The following DLC1 variants were observed in gnomAD, a reference collection of about 807,000 sequenced individuals.
The protein encoded by DLC1 is DLC1 Rho GTPase activating protein.
DLC1 carries 54 observed loss-of-function variants against 140.3 expected under a neutral mutation model. The observed-to-expected ratio is 0.38, with a 90% confidence interval of 0.31 to 0.48. The LOEUF (loss-of-function observed/expected upper bound fraction) is 0.48, where lower values mean the gene tolerates loss of function less well. DLC1 is among the 20% of genes least tolerant of loss of function. DLC1 has a pLI of 0.96. For missense variants in DLC1, 2,536 were observed against 1,907.0 expected, an observed-to-expected ratio of 1.33 and a Z score of -6.14; for synonymous variants, 986 against 728.1, an observed-to-expected ratio of 1.35 and a Z score of -5.70.
At chr8:13,331,990 C>T (rs1258993212) in intron 4 of DLC1, among the ~76,000 whole-genome samples, 1 of 152,140 alleles carries the variant, frequency 6.6e-6, no homozygotes, top group Non-Finnish European at 1.5e-5. Flanking sequence ...AGACTCAAAC[C>T]ATGTTAGGTT....
intron 5 of DLC1, among the ~76,000 whole-genome samples, chr8:13,300,812 G>A (rs73663531): frequency 0.015 from 2,341 of 152,332 alleles, 60 homozygotes; most frequent in African/African-American, 0.053. Flanking sequence ...CACAGGAACT[G>A]ACATGATCAG....
intron 4 of DLC1, among the ~76,000 whole-genome samples, chr8:13,335,753 C>T (rs994353256): frequency 1.4e-4 from 22 of 152,132 alleles, no homozygotes; most frequent in Middle Eastern, 3.4e-3. Context: ...ATCTATTGTT[C>T]CATAGAATCA....
chr8:13,589,999 C>T (rs6986184), intron 1 of DLC1, among the ~76,000 whole-genome samples: 77,056 of 150,314 alleles, frequency 0.51, 20,604 homozygotes, highest in African/African-American at 0.66. Context: ...ATTTCAACAG[C>T]GAACATGCAT....
At chr8:13,428,236 C>G (rs577802366) in intron 2 of DLC1, among the ~76,000 whole-genome samples, 1 of 152,060 alleles carries the variant, frequency 6.6e-6, no homozygotes, top group Non-Finnish European at 1.5e-5. Context: ...TGGCAAGAGA[C>G]GCTGTGTGCC....
At chr8:13,411,899 A>G (rs17092948) in intron 2 of DLC1, among the ~76,000 whole-genome samples, 24,229 of 152,104 alleles carry the variant, frequency 0.16, 2,061 homozygotes, top group Admixed American at 0.21. Context: ...GAGACCATAT[A>G]ATTTCATCCA....
intron 5 of DLC1, among the ~76,000 whole-genome samples, chr8:13,242,393 GT>G (rs201680944): frequency 0.19 from 27,163 of 146,010 alleles, 2,666 homozygotes; most frequent in African/African-American, 0.27. Context: ...CTCCCCATCA[GT>G]TTTTTTTTTT....
At chr8:13,286,536 A>G (rs964800420) in intron 5 of DLC1, among the ~76,000 whole-genome samples, 2 of 152,160 alleles carry the variant, frequency 1.3e-5, no homozygotes, top group Admixed American at 6.5e-5. Flanking sequence ...CTATTGTATC[A>G]CATTATTATA....
chr8:13,280,795 T>A lies in DLC1; in HGVS notation c.1348+24474A>T, dbSNP rs1831339446. On this transcript the variant is annotated intron_variant, in intron 5 of 17. Coordinates refer to ENST00000276297, the MANE Select transcript of DLC1 (RefSeq NM_182643.3). ...GTGCTGGAAGATCCTTTCAAAAGAA[T>A]GTGAATAATGATGGGAAATGAAAAG... 2.0e-5 allele frequency among the ~76,000 whole-genome samples: 3 copies of A among 152,156 alleles called. No homozygotes were observed. In the South Asian group the frequency reaches 6.2e-4, roughly 32 times the overall value.
At chr8:13,524,077 C>T (rs1028986479) in intron 1 of DLC1, among the ~76,000 whole-genome samples, 1 of 150,264 alleles carries the variant, frequency 6.7e-6, no homozygotes, top group Non-Finnish European at 1.5e-5. Context: ...CTAATCTCAG[C>T]TAGCCACCAT....
At chr8:13,361,682 G>A (rs553525862) in intron 4 of DLC1, among the ~76,000 whole-genome samples, 2 of 152,230 alleles carry the variant, frequency 1.3e-5, no homozygotes, top group African/African-American at 4.8e-5. Context: ...TCAAAGATAG[G>A]TCTGGACAAG....
Position 13,525,116 on chromosome 8 carries a change from T to C in DLC1, c.-125-24920A>G, listed in dbSNP as rs1478842259. 1.3e-5 allele frequency among the ~76,000 whole-genome samples: 2 copies of C among 152,232 alleles called. 1 individual carries two copies. Among genetic ancestry groups the C allele is most frequent in the East Asian group, 3.8e-4 (2 of 5,204 alleles). ...ATATGTATGTACCTTTTGTGGCTTC[T>C]TCACTTAGCATAATTATTTTGAGAT... On this transcript the variant is annotated intron_variant, in intron 1 of 1. Transcript: ENST00000631382.
At chr8:13,289,222 G>C (rs1438950900) in intron 5 of DLC1, among the ~76,000 whole-genome samples, 1 of 152,030 alleles carries the variant, frequency 6.6e-6, no homozygotes, top group African/African-American at 2.4e-5. Context: ...ATTATTTAGA[G>C]ACATTGTTTT....
At chr8:13,286,122 T>C (rs1831527579) in intron 5 of DLC1, among the ~76,000 whole-genome samples, 1 of 152,180 alleles carries the variant, frequency 6.6e-6, no homozygotes, top group Admixed American at 6.5e-5. Flanking sequence ...GAATAAGATT[T>C]CACAGAACAT....
intron 5 of DLC1, among the ~76,000 whole-genome samples, chr8:13,256,879 T>TAAA (rs570193249): frequency 1.9e-5 from 2 of 105,212 alleles, no homozygotes; most frequent in African/African-American, 3.4e-5. Flanking sequence ...TCCCAGAACT[T>TAAA]AAAAAAAAAA....
chr8:13,342,116 C>T (rs537050830), intron 4 of DLC1: 1 of 152,308 alleles, frequency 6.6e-6, no homozygotes, highest in Admixed American at 6.5e-5. Context: ...CTTGAAGAAT[C>T]TAACCATGAC....
At chr8:13,582,130 G>C (rs914612634) in intron 1 of DLC1, among the ~76,000 whole-genome samples, 2 of 152,086 alleles carry the variant, frequency 1.3e-5, no homozygotes, top group East Asian at 3.9e-4. Flanking sequence ...GCCTCTGGAG[G>C]TCATCAAAAA....
At chr8:13,379,673 C>T (rs1022903422) in intron 4 of DLC1, among the ~76,000 whole-genome samples, 1 of 152,122 alleles carries the variant, frequency 6.6e-6, no homozygotes, top group Non-Finnish European at 1.5e-5. Flanking sequence ...TTCTGGGGTA[C>T]ATGTGCAGAA....
At chr8:13,400,530 T>C (rs1254864552) in intron 3 of DLC1, among the ~76,000 whole-genome samples, 3 of 152,200 alleles carry the variant, frequency 2.0e-5, no homozygotes, top group Admixed American at 2.0e-4. Flanking sequence ...ACAATTGTTA[T>C]ATTCTGTGGG....
chr8:13,094,871 G>A lies in DLC1; in HGVS notation c.3414C>T (p.Tyr1138=), dbSNP rs140305187. Residue 1138 remains tyrosine (Y), a synonymous_variant, in exon 12 of 18, where the codon TAC becomes TAT. Transcript: ENST00000276297. The stretch of plus-strand genomic sequence containing the variant: ...CCACGTCATAAGCAGACTGTCCTTC[G>A]TAGTTGACACAGTCTATGGCACCTT... ...MNEGAIDCVN[Y]EGQSAYDVAD... 116 of 1,614,182 alleles carry A rather than the reference G, an allele frequency of 7.2e-5. No homozygotes were observed. The highest frequency in any genetic ancestry group is 5.6e-4 in the South Asian group (51 of 91,080).
Sources: gnomAD v4.1 joint callset for allele counts (sites outside exome capture counted in the v4.1 genomes callset) on GRCh38, gnomAD v4.1.1 for gene constraint, MANE v1.5 for transcripts, NCBI Gene and HGNC (gene_info 2026-07-23, HGNC 2026-07-21) for gene names.